The following NIBAN1 variants were observed in gnomAD, a reference collection of about 807,000 sequenced individuals.
NIBAN1 encodes protein Niban 1.
In NIBAN1, 81 loss-of-function variants were observed where a neutral mutation model predicts 75.1. The ratio of observed to expected loss-of-function variants is 1.08; its 90% CI spans 0.90 to 1.30. The LOEUF (loss-of-function observed/expected upper bound fraction) is 1.30, where lower values mean the gene tolerates loss of function less well. Among genes scored for constraint, NIBAN1 ranks in the 50% most tolerant of loss-of-function variants. The pLI, the probability that NIBAN1 is intolerant of heterozygous loss-of-function variation, is 0.00. For synonymous variants in NIBAN1, 436 were observed against 424.8 expected, an observed-to-expected ratio of 1.03 and a Z score of -0.32; for missense variants, 1,133 against 1,128.1, an observed-to-expected ratio of 1.00 and a Z score of -0.06.
Position 184,964,347 on chromosome 1 carries a change from A to G in NIBAN1, c.55+9955T>C, listed in dbSNP as rs371617911. ...TCCAAGAACAGGAAAAGTTTCTGATACTTACTCATGTGAGAAAAAGCATGC... is the reference window on the plus strand; with the variant it reads ...TCCAAGAACAGGAAAAGTTTCTGATGCTTACTCATGTGAGAAAAAGCATGC... On this transcript the variant is annotated intron_variant, in intron 1 of 13. Coordinates refer to ENST00000367511, the MANE Select transcript of NIBAN1 (RefSeq NM_052966.4). Among the ~76,000 whole-genome samples, 5 of 152,378 alleles carry G rather than the reference A, an allele frequency of 3.3e-5. No homozygotes were observed. The East Asian group carries it at 7.7e-4, about 23-fold the overall frequency.
intron 11 of NIBAN1, among the ~76,000 whole-genome samples, chr1:184,804,409 T>A (rs1470199511): frequency 6.6e-6 from 1 of 152,216 alleles, no homozygotes; most frequent in African/African-American, 2.4e-5. Flanking sequence ...AAGAAGGTTA[T>A]GAATGAAGGG....
At chr1:184,956,302 T>C (rs1370143992) in intron 1 of NIBAN1, among the ~76,000 whole-genome samples, 1 of 152,154 alleles carries the variant, frequency 6.6e-6, no homozygotes, top group Non-Finnish European at 1.5e-5. Context: ...TGCTGGAATA[T>C]GCCCAGCCAG....
At chr1:184,799,521 A>T (rs1464628407) in intron 12 of NIBAN1, among the ~76,000 whole-genome samples, 6 of 147,512 alleles carry the variant, frequency 4.1e-5, no homozygotes, top group African/African-American at 1.5e-4. Flanking sequence ...ATGTGTCTTT[A>T]TAGCAGCATG....
At chr1:184,861,004 A>C (rs1170218938) in intron 5 of NIBAN1, among the ~76,000 whole-genome samples, 3 of 152,254 alleles carry the variant, frequency 2.0e-5, no homozygotes, top group Non-Finnish European at 4.4e-5. Context: ...GAAATATTGT[A>C]GCTCTTATTT....
At chr1:184,823,580 A>C in intron 7 of NIBAN1, 58 bp downstream of exon 7, 2 of 1,563,832 alleles carry the variant, frequency 1.3e-6, no homozygotes, top group South Asian at 2.2e-5. Flanking sequence ...CTAAAAGAAA[A>C]GGGAAGAGAA....
intron 5 of NIBAN1, among the ~76,000 whole-genome samples, chr1:184,879,305 T>C (rs1045573611): frequency 6.6e-6 from 1 of 152,214 alleles, no homozygotes; most frequent in African/African-American, 2.4e-5. Context: ...CTAAACATTA[T>C]TAGTTTGTAC....
chr1:184,950,087 T>A lies in NIBAN1; in HGVS notation c.55+24215A>T, dbSNP rs879306606. Among the ~76,000 whole-genome samples the A allele has an allele frequency of 5.3e-5, 8 of 152,032 alleles. No homozygotes were observed. In the South Asian group the frequency reaches 6.2e-4, roughly 12 times the overall value. On this transcript the variant is annotated intron_variant, in intron 1 of 13. Coordinates refer to ENST00000367511, the MANE Select transcript of NIBAN1 (RefSeq NM_052966.4). The stretch of plus-strand genomic sequence containing the variant: ...ATTTGCTTTATCTCCAAAATCATTT[T>A]AAAAAAAACAAGAGTTATAAAGGTA...
rs143488738 is a variant in NIBAN1 at position 184,795,484 on chromosome 1, G to C, written c.2280C>G (p.Pro760=). Reference sequence around the variant, plus strand: ...TGACTTCACTTTCTTCACAGTTGTCGGGGTGGATGGCAGCTGCCTGACTGG... The same window carrying C: ...TGACTTCACTTTCTTCACAGTTGTCCGGGTGGATGGCAGCTGCCTGACTGG... ...KEPSQAAAIH[P]DNCEESEVSE... Residue 760 remains proline, a synonymous_variant, in exon 14 of 14, where the codon CCC becomes CCG. Coordinates refer to ENST00000367511, the MANE Select transcript of NIBAN1 (RefSeq NM_052966.4). 3.1e-6 allele frequency: 5 copies of C among 1,612,818 alleles called. No homozygotes were observed. The Admixed American group carries it at 5.0e-5, about 16-fold the overall frequency.
chr1:184,884,325 G>C (rs757312442), intron 5 of NIBAN1, among the ~76,000 whole-genome samples: 3 of 145,786 alleles, frequency 2.1e-5, no homozygotes, highest in Non-Finnish European at 4.5e-5. Flanking sequence ...CCGGGTTCAA[G>C]TAATTCTCCT....
intron 5 of NIBAN1, among the ~76,000 whole-genome samples, chr1:184,842,132 T>C (rs1021486948): frequency 6.6e-6 from 1 of 152,236 alleles, no homozygotes; most frequent in African/African-American, 2.4e-5. Context: ...TGAAATTTCA[T>C]GGTTACAAAC....
intron 8 of NIBAN1, 54 bp from the exon 9 acceptor site, chr1:184,818,879 G>A (rs1417488787): frequency 3.3e-6 from 5 of 1,535,048 alleles, no homozygotes; most frequent in Non-Finnish European, 4.4e-6. Context: ...TGGGTTTGTG[G>A]GCACTGGAGC....
In NIBAN1 at chr1:184,794,506, G is replaced by A; in HGVS notation, c.*471C>T. The stretch of plus-strand genomic sequence containing the variant: ...TACCCTCTCTTGCAGTCTGACTGTG[G>A]ACAAATGCCGAGTCCTTAAGAGATG... On this transcript the variant is annotated 3_prime_UTR_variant, in exon 14 of 14. Coordinates refer to ENST00000367511, the MANE Select transcript of NIBAN1 (RefSeq NM_052966.4). 4.2e-6 allele frequency: 1 copy of A among 240,644 alleles called. No homozygotes were observed. The highest frequency in any genetic ancestry group is 4.9e-5 in the South Asian group (1 of 20,248). 14.9% of individuals were successfully genotyped at this position (240,644 alleles called of 1,614,324 possible).
At position 184,959,279 on chromosome 1, in the gene NIBAN1, C is replaced by T. The variant is rs376739997; in HGVS notation, c.55+15023G>A. 3.2e-4 allele frequency among the ~76,000 whole-genome samples: 49 copies of T among 152,340 alleles called. No individual in the cohort carries two copies. In the East Asian group the frequency reaches 5.6e-3, roughly 17 times the overall value. The stretch of plus-strand genomic sequence containing the variant: ...GGAGAATGTTGGTAGCAGGGCAGTA[C>T]AGCTACATTCTGCCTAGATGTTCCA... On this transcript the variant is annotated intron_variant, in intron 1 of 13. Transcript: ENST00000367511.
chr1:184,939,271 T>C (rs1382379373), intron 1 of NIBAN1, among the ~76,000 whole-genome samples: 1 of 151,838 alleles, frequency 6.6e-6, no homozygotes, highest in Non-Finnish European at 1.5e-5. Flanking sequence ...TAAAAGAGAG[T>C]GACACTTCCA....
chr1:184,891,686 C>A (rs1419202165), intron 3 of NIBAN1, among the ~76,000 whole-genome samples: 1 of 152,092 alleles, frequency 6.6e-6, no homozygotes, highest in Non-Finnish European at 1.5e-5. Context: ...CCAGTGCACA[C>A]AAAATAGAAA....
At chr1:184,797,794 C>T (rs1216858159) in intron 13 of NIBAN1, among the ~76,000 whole-genome samples, 1 of 152,226 alleles carries the variant, frequency 6.6e-6, no homozygotes, top group Non-Finnish European at 1.5e-5. Flanking sequence ...TCAACTTTCT[C>T]ATCTGTAAAA....
intron 5 of NIBAN1, among the ~76,000 whole-genome samples, chr1:184,856,908 T>C (rs1052009661): frequency 1.1e-4 from 17 of 152,114 alleles, no homozygotes; most frequent in Non-Finnish European, 2.4e-4. Flanking sequence ...AATATGGATG[T>C]TTTCATGGAA....
At chr1:184,841,719 G>A (rs1024751023) in intron 5 of NIBAN1, among the ~76,000 whole-genome samples, 8 of 152,096 alleles carry the variant, frequency 5.3e-5, no homozygotes, top group African/African-American at 1.4e-4. Flanking sequence ...CTAACATATG[G>A]GCTTATCTTA....
intron 1 of NIBAN1, among the ~76,000 whole-genome samples, chr1:184,938,558 G>C (rs953155097): frequency 2.6e-5 from 4 of 151,374 alleles, no homozygotes. Flanking sequence ...ATTGAAAAAA[G>C]CAAACTGGGA....
Sources: allele counts gnomAD v4.1 joint callset (sites outside exome capture counted in the v4.1 genomes callset), GRCh38; gene constraint gnomAD v4.1.1; transcripts MANE v1.5; gene names NCBI Gene and HGNC (gene_info 2026-07-23, HGNC 2026-07-21).